The following CSMD1 variants were observed in gnomAD, a reference collection of about 807,000 sequenced individuals.
The protein encoded by CSMD1 is CUB and sushi domain-containing protein 1.
Under a neutral mutation model 417.5 loss-of-function variants are expected in CSMD1, and 213 were observed. The ratio of observed to expected loss-of-function variants is 0.51; its 90% CI spans 0.46 to 0.57. The LOEUF is 0.57. Among genes scored for constraint, CSMD1 ranks in the 20% least tolerant of loss-of-function variants. The pLI is 0.00. For missense variants in CSMD1, 6,923 were observed against 4,529.7 expected, an observed-to-expected ratio of 1.53 and a Z score of -15.17; for synonymous variants, 2,862 against 1,736.8, an observed-to-expected ratio of 1.65 and a Z score of -16.11.
intron 5 of CSMD1, among the ~76,000 whole-genome samples, chr8:3,796,415 CT>C (rs1563089662): frequency 0.041 from 2,343 of 56,544 alleles, 189 homozygotes; most frequent in Middle Eastern, 0.088. Flanking sequence ...AGATATATAT[CT>C]ATCATGTATA....
At chr8:3,765,098 A>C (rs1261706103) in intron 5 of CSMD1, among the ~76,000 whole-genome samples, 1 of 152,180 alleles carries the variant, frequency 6.6e-6, no homozygotes, top group Non-Finnish European at 1.5e-5. Context: ...ACCCTTAAAA[A>C]GAGGTCAACT....
chr8:3,908,764 G>T (rs1808272106), intron 5 of CSMD1, among the ~76,000 whole-genome samples: 1 of 152,146 alleles, frequency 6.6e-6, no homozygotes, highest in African/African-American at 2.4e-5. Flanking sequence ...CACCAAACTG[G>T]CTTACAGGCA....
Position 4,031,858 on chromosome 8 carries a change from T to C in CSMD1, c.610+47A>G, listed in dbSNP as rs761909655. 36 of 1,423,050 alleles carry C rather than the reference T, an allele frequency of 2.5e-5. 1 individual carries two copies. In the South Asian group the frequency reaches 4.4e-4, roughly 17 times the overall value. 88.2% of individuals were successfully genotyped at this position (1,423,050 alleles called of 1,614,324 possible). On this transcript the variant is annotated intron_variant, in intron 4 of 69. Transcript: ENST00000635120. ...TTTCATAAAAGCATCTCCAAAACCA[T>C]TGCCCTGCCCTGGAGTCTGCTCACC...
chr8:3,911,573 A>G (rs1054355366), intron 5 of CSMD1, among the ~76,000 whole-genome samples: 7 of 151,896 alleles, frequency 4.6e-5, no homozygotes, highest in African/African-American at 7.2e-5. Flanking sequence ...CGAAGGCTAT[A>G]TAACACCAGC....
intron 2 of CSMD1, among the ~76,000 whole-genome samples, chr8:4,549,771 C>T (rs1797784859): frequency 6.6e-6 from 1 of 151,688 alleles, no homozygotes; most frequent in South Asian, 2.1e-4. Context: ...GTGGTTGACA[C>T]TTGTAATCCT....
intron 3 of CSMD1, among the ~76,000 whole-genome samples, chr8:4,380,712 ATGT>A (rs1563113692): frequency 6.6e-6 from 1 of 152,196 alleles, no homozygotes; most frequent in Non-Finnish European, 1.5e-5. Flanking sequence ...AGGATTGTGG[ATGT>A]TGTATCTATG....
chr8:3,287,186 T>TCTGTTTTGGTACCATTACCACA (rs575119764), intron 25 of CSMD1, among the ~76,000 whole-genome samples: 1 of 131,856 alleles, frequency 7.6e-6, no homozygotes, highest in Admixed American at 7.8e-5. Context: ...GGTCTCTATC[T>TCTGTTTTGGTACCATTACCACA]CTGTTTTGGT....
intron 8 of CSMD1, among the ~76,000 whole-genome samples, chr8:3,593,132 G>A (rs1179766598): frequency 6.6e-6 from 1 of 152,224 alleles, no homozygotes; most frequent in African/African-American, 2.4e-5. Context: ...TGTCACTGGA[G>A]CTGTGGTGAT....
chr8:4,393,071 G>A lies in CSMD1; in HGVS notation c.415+26882C>T, dbSNP rs944288623. The stretch of plus-strand genomic sequence containing the variant: ...GCTCACTGTACCCTCCGCCTCCGGG[G>A]TTCAAGCGATTCTCGTGCCTCAATC... On this transcript the variant is annotated intron_variant, in intron 3 of 69. Transcript: ENST00000635120. Among the ~76,000 whole-genome samples, 29 of 151,580 alleles carry A rather than the reference G, an allele frequency of 1.9e-4. 1 individual carries two copies. The highest frequency in any genetic ancestry group is 1.8e-3 in the Admixed American group (28 of 15,206).
At chr8:4,699,432 G>C (rs1296820589) in intron 1 of CSMD1, among the ~76,000 whole-genome samples, 2 of 152,050 alleles carry the variant, frequency 1.3e-5, no homozygotes, top group Non-Finnish European at 1.5e-5. Flanking sequence ...CTATTGTCAA[G>C]ACCCAGGTTC....
At chr8:3,655,582 T>C (rs1798060028) in intron 7 of CSMD1, among the ~76,000 whole-genome samples, 1 of 151,462 alleles carries the variant, frequency 6.6e-6, no homozygotes, top group Non-Finnish European at 1.5e-5. Flanking sequence ...CCCCCACTGA[T>C]GAATGCCCGT....
intron 38 of CSMD1, 22 bp downstream of exon 38, chr8:3,162,137 T>C: frequency 6.8e-7 from 1 of 1,460,338 alleles, no homozygotes; most frequent in Non-Finnish European, 9.5e-7. Flanking sequence ...ATGTTATTCC[T>C]GAGCACTGAG....
intron 8 of CSMD1, among the ~76,000 whole-genome samples, chr8:3,588,438 G>A (rs1345111263): frequency 6.6e-6 from 1 of 152,062 alleles, no homozygotes; most frequent in African/African-American, 2.4e-5. Context: ...CTTAACCTGA[G>A]GCACTGATAT....
chr8:3,704,751 T>C (rs1217566840), intron 7 of CSMD1: 1 of 152,174 alleles, frequency 6.6e-6, no homozygotes. Flanking sequence ...CTTGATCTGT[T>C]TAATTATCAA....
intron 5 of CSMD1, among the ~76,000 whole-genome samples, chr8:3,892,322 T>C (rs1807029156): frequency 6.6e-6 from 1 of 152,114 alleles, no homozygotes; most frequent in African/African-American, 2.4e-5. Flanking sequence ...AAAGGGAAAC[T>C]GTCTTCAGCC....
chr8:3,861,775 C>T (rs979728536), intron 5 of CSMD1, among the ~76,000 whole-genome samples: 18 of 152,122 alleles, frequency 1.2e-4, no homozygotes, highest in African/African-American at 4.1e-4. Flanking sequence ...TCTACTGGCC[C>T]ACTGAGTATC....
At chr8:4,053,054 C>A (rs767089610) in intron 3 of CSMD1, among the ~76,000 whole-genome samples, 17 of 152,082 alleles carry the variant, frequency 1.1e-4, no homozygotes, top group Non-Finnish European at 1.9e-4. Flanking sequence ...CAGAGGAGTC[C>A]TTGGGAGGCT....
At chr8:4,511,187 G>C (rs904177390) in intron 2 of CSMD1, among the ~76,000 whole-genome samples, 1 of 152,080 alleles carries the variant, frequency 6.6e-6, no homozygotes, top group African/African-American at 2.4e-5. Flanking sequence ...GCCTGCAATA[G>C]TCATCAGTCC....
At chr8:4,923,791 A>G (rs1288281020) in intron 1 of CSMD1, among the ~76,000 whole-genome samples, 2 of 152,164 alleles carry the variant, frequency 1.3e-5, no homozygotes, top group East Asian at 1.9e-4. Context: ...CAGTGTCCCA[A>G]TGGTAGAAAT....
Sources: allele counts gnomAD v4.1 joint callset (sites outside exome capture counted in the v4.1 genomes callset), GRCh38; gene constraint gnomAD v4.1.1; transcripts MANE v1.5; gene names NCBI Gene and HGNC (gene_info 2026-07-23, HGNC 2026-07-21).